The following SNTG1 variants were observed in gnomAD, a reference collection of about 807,000 sequenced individuals.
The protein encoded by SNTG1 is syntrophin gamma 1, also known as gamma-1-syntrophin.
A neutral mutation model predicts 74.7 loss-of-function variants in SNTG1; 39 were observed. The ratio of observed to expected loss-of-function variants is 0.52; its 90% CI spans 0.40 to 0.68. The LOEUF (loss-of-function observed/expected upper bound fraction) is 0.68, where lower values mean the gene tolerates loss of function less well. Ranked by LOEUF, SNTG1 falls within the 30% of genes least tolerant of loss-of-function variation. SNTG1 has a pLI of 0.00. For missense variants in SNTG1, 685 were observed against 609.5 expected, an observed-to-expected ratio of 1.12 and a Z score of -1.30; for synonymous variants, 254 against 217.1, an observed-to-expected ratio of 1.17 and a Z score of -1.49.
At chr8:49,997,078 A>G (rs1814293777) in intron 1 of SNTG1, among the ~76,000 whole-genome samples, 1 of 152,136 alleles carries the variant, frequency 6.6e-6, no homozygotes, top group Non-Finnish European at 1.5e-5. Flanking sequence ...TTGTCCTTTG[A>G]GAATATAAAA....
intron 13 of SNTG1, among the ~76,000 whole-genome samples, chr8:50,645,143 G>A (rs1417258586): frequency 2.5e-4 from 1 of 4,074 alleles, no homozygotes; most frequent in Non-Finnish European, 4.1e-4. Flanking sequence ...ATAGAAACAT[G>A]TTTATTTTAT....
intron 4 of SNTG1, among the ~76,000 whole-genome samples, chr8:50,437,871 A>T (rs35897386): frequency 0.044 from 6,723 of 152,302 alleles, 199 homozygotes; most frequent in Admixed American, 0.091. Context: ...TTCTCATGCC[A>T]TCATCTTTGT....
intron 1 of SNTG1, among the ~76,000 whole-genome samples, chr8:50,160,682 A>T (rs1472084529): frequency 6.6e-6 from 1 of 152,204 alleles, no homozygotes; most frequent in Admixed American, 6.5e-5. Context: ...CCTTAGAAAT[A>T]CTATGCATAG....
chr8:50,426,899 A>G (rs2062039), intron 4 of SNTG1, among the ~76,000 whole-genome samples: 13,712 of 152,200 alleles, frequency 0.09, 1,920 homozygotes, highest in African/African-American at 0.3. Flanking sequence ...GCAATATGGT[A>G]TAACAGCTTT....
intron 15 of SNTG1, among the ~76,000 whole-genome samples, chr8:50,682,544 G>T (rs2095335385): frequency 1.3e-5 from 2 of 152,134 alleles, no homozygotes; most frequent in Non-Finnish European, 2.9e-5. Flanking sequence ...AAGAATAAGA[G>T]AGCTGAACAT....
intron 1 of SNTG1, among the ~76,000 whole-genome samples, chr8:49,954,854 A>G (rs1810021297): frequency 6.6e-6 from 1 of 152,180 alleles, no homozygotes; most frequent in Admixed American, 6.5e-5. Context: ...TTCTAGAAAT[A>G]TTGTAGAAAA....
At chr8:50,515,838 G>A (rs2094129002) in intron 9 of SNTG1, among the ~76,000 whole-genome samples, 1 of 152,086 alleles carries the variant, frequency 6.6e-6, no homozygotes, top group Non-Finnish European at 1.5e-5. Flanking sequence ...GTCTCCCTGG[G>A]ACAGAGCACC....
At chr8:50,086,930 A>G (rs569831247) in intron 1 of SNTG1, among the ~76,000 whole-genome samples, 24 of 152,326 alleles carry the variant, frequency 1.6e-4, no homozygotes, top group African/African-American at 5.5e-4. Context: ...TTGGAAACGG[A>G]CATTGTTTTC....
At chr8:50,278,787 T>C (rs1440815067) in intron 2 of SNTG1, among the ~76,000 whole-genome samples, 3 of 152,126 alleles carry the variant, frequency 2.0e-5, no homozygotes, top group Non-Finnish European at 4.4e-5. Flanking sequence ...CAGACATCTT[T>C]CAATTAGCCA....
At chr8:50,355,535 G>A (rs1012005266) in intron 2 of SNTG1, among the ~76,000 whole-genome samples, 6 of 152,138 alleles carry the variant, frequency 3.9e-5, no homozygotes, top group Admixed American at 1.3e-4. Context: ...CATGAAAGGC[G>A]AAATTGATGA....
chr8:50,654,825 G>A (rs1284125381), intron 13 of SNTG1, among the ~76,000 whole-genome samples: 1 of 152,126 alleles, frequency 6.6e-6, no homozygotes, highest in African/African-American at 2.4e-5. Flanking sequence ...GTCCTGGCAA[G>A]GGCTTGATGA....
intron 18 of SNTG1, among the ~76,000 whole-genome samples, chr8:50,770,395 A>G (rs772545938): frequency 1.2e-4 from 18 of 152,132 alleles, no homozygotes; most frequent in Non-Finnish European, 2.5e-4. Flanking sequence ...AGAGCTTTGC[A>G]ACATTGTAGC....
chr8:50,671,517 T>C (rs1457913341), intron 15 of SNTG1, among the ~76,000 whole-genome samples: 2 of 152,122 alleles, frequency 1.3e-5, no homozygotes, highest in Non-Finnish European at 2.9e-5. Context: ...CCAGTTAGAA[T>C]GGCGATCATT....
At chr8:50,317,097 A>G (rs1240357522) in intron 2 of SNTG1, among the ~76,000 whole-genome samples, 1 of 152,174 alleles carries the variant, frequency 6.6e-6, no homozygotes, top group Non-Finnish European at 1.5e-5. Flanking sequence ...GGTGCTTTTG[A>G]TAAATATCTG....
intron 2 of SNTG1, among the ~76,000 whole-genome samples, chr8:50,237,338 C>G (rs376769008): frequency 3.3e-5 from 5 of 152,196 alleles, no homozygotes; most frequent in African/African-American, 7.2e-5. Flanking sequence ...TTATTTTTGG[C>G]AAGAATACTT....
intron 5 of SNTG1, among the ~76,000 whole-genome samples, chr8:50,441,456 C>G (rs2131582684): frequency 6.6e-6 from 1 of 152,188 alleles, no homozygotes; most frequent in Middle Eastern, 3.4e-3. Flanking sequence ...TAACTCTTCC[C>G]TTGATGTACT....
chr8:50,668,974 A>G (rs892640231), intron 15 of SNTG1, among the ~76,000 whole-genome samples: 3 of 152,046 alleles, frequency 2.0e-5, no homozygotes, highest in African/African-American at 7.2e-5. Context: ...TGAATGATTT[A>G]TAATCCTTTG....
chr8:49,937,160 A>C (rs1192498022), intron 1 of SNTG1, among the ~76,000 whole-genome samples: 2 of 151,870 alleles, frequency 1.3e-5, no homozygotes, highest in Non-Finnish European at 3.0e-5. Flanking sequence ...AAACAAACAA[A>C]CAAACAAATA....
At chr8:50,179,347 T>C (rs2083116172) in intron 2 of SNTG1, among the ~76,000 whole-genome samples, 1 of 152,168 alleles carries the variant, frequency 6.6e-6, no homozygotes, top group Admixed American at 6.6e-5. Flanking sequence ...AAAATGCCAT[T>C]GAAATTTTGA....
Sources: allele counts gnomAD v4.1 joint callset (sites outside exome capture counted in the v4.1 genomes callset), GRCh38; gene constraint gnomAD v4.1.1; transcripts MANE v1.5; gene names NCBI Gene and HGNC (gene_info 2026-07-23, HGNC 2026-07-21).